Variants in TAS1R2 observed in about 807,000 individuals in gnomAD.
TAS1R2 encodes taste receptor type 1 member 2.
A neutral mutation model predicts 49.3 loss-of-function variants in TAS1R2; 47 were observed. The observed-to-expected ratio is 0.95, with a 90% CI of 0.75 to 1.22. The LOEUF is 1.22. TAS1R2 is among the 50% of genes most tolerant of loss of function. The pLI is 0.00. For missense variants in TAS1R2, 1,155 were observed against 1,122.1 expected, an observed-to-expected ratio of 1.03 and a Z score of -0.42; for synonymous variants, 479 against 467.9, an observed-to-expected ratio of 1.02 and a Z score of -0.31.
At chr1:18,839,935 C>T in exon 6 of TAS1R2, 1 of 1,614,216 alleles carries the variant, frequency 6.2e-7, no homozygotes, top group Non-Finnish European at 8.5e-7. Context: ...TGTTGAACAG[C>T]AGGCTGTTGC....
Position 18,840,491 on chromosome 1 carries a change from C to T in TAS1R2, c.1628G>A (p.Trp543Ter). 1 of 1,614,180 alleles carries T rather than the reference C, an allele frequency of 6.2e-7. No homozygotes were observed. Among genetic ancestry groups the T allele is most frequent in the East Asian group, 2.2e-5 (1 of 44,878 alleles). ...GCAGGAGGTCTCACTCTGGTAGGAC[C>T]ACTCGTTATTCGGGCAGGCCTGGCA... Residue 543 changes from tryptophan to a stop codon, truncating the protein, a stop_gained, in exon 6 of 6, where the codon TGG becomes TAG. Coordinates refer to ENST00000375371, the Ensembl canonical transcript of TAS1R2. LOFTEE classifies it low-confidence loss of function (END_TRUNC).
chr1:18,857,081 AT>A (rs1934149373), intron 2 of TAS1R2, among the ~76,000 whole-genome samples: 1 of 152,218 alleles, frequency 6.6e-6, no homozygotes, highest in Admixed American at 6.5e-5. Flanking sequence ...GAGTCAAGAG[AT>A]TTGCCAAAGG....
intron 5 of TAS1R2, 41 bp downstream of exon 5, chr1:18,841,687 AG>A (rs139650135): frequency 0.016 from 25,082 of 1,592,564 alleles, 1,023 homozygotes; most frequent in African/African-American, 0.15. Context: ...GGGCAGGGGC[AG>A]GGCAGGGGCA....
chr1:18,850,286 C>T (rs1323896976), intron 3 of TAS1R2, among the ~76,000 whole-genome samples: 1 of 152,240 alleles, frequency 6.6e-6, no homozygotes, highest in East Asian at 1.9e-4. Flanking sequence ...AAAGGACTTC[C>T]AGCTCAAATA....
chr1:18,840,113 T>C (rs752400471), exon 6 of TAS1R2: 21 of 1,614,084 alleles, frequency 1.3e-5, no homozygotes, highest in Non-Finnish European at 1.5e-5. Flanking sequence ...CCAGTAGCTG[T>C]AGGCGCGTGG....
intron 3 of TAS1R2, among the ~76,000 whole-genome samples, chr1:18,853,845 G>C (rs1344576133): frequency 6.6e-6 from 1 of 152,142 alleles, no homozygotes. Context: ...CTGAACCAGG[G>C]TGATAGAGAA....
intron 2 of TAS1R2, 56 bp downstream of exon 2, chr1:18,857,262 CTGAGGCCTCTAGA>C: frequency 6.6e-7 from 1 of 1,514,762 alleles, no homozygotes; most frequent in Non-Finnish European, 8.9e-7. Context: ...GAAGTGGCTT[CTGAGGCCTCTAGA>C]CAGCCATTCC....
chr1:18,850,863 T>G (rs754808285), intron 3 of TAS1R2, among the ~76,000 whole-genome samples: 2 of 152,100 alleles, frequency 1.3e-5, no homozygotes, highest in Non-Finnish European at 2.9e-5. Flanking sequence ...CAAGTCCACC[T>G]CTCCAACCCC....
intron 3 of TAS1R2, among the ~76,000 whole-genome samples, chr1:18,850,208 T>C (rs1302767968): frequency 6.6e-6 from 1 of 152,214 alleles, no homozygotes; most frequent in Non-Finnish European, 1.5e-5. Context: ...TAAAGTCCAG[T>C]CCCAGTTCTG....
chr1:18,857,649 T>A lies in TAS1R2; in HGVS notation c.183-18A>T. The A allele has an allele frequency of 6.2e-7, 1 of 1,604,536 alleles. No individual in the cohort carries two copies. The highest frequency in any genetic ancestry group is 1.1e-5 in the South Asian group (1 of 90,792). On this transcript the variant is annotated intron_variant, in intron 1 of 5. Transcript: ENST00000375371. ...CTTCATACCTGGAGGGGCCACAGCATCATGAGGTGGAAGCAGATCCAGAAT... is the reference window on the plus strand; with the variant it reads ...CTTCATACCTGGAGGGGCCACAGCAACATGAGGTGGAAGCAGATCCAGAAT...
chr1:18,847,904 C>T (rs1429626364), intron 4 of TAS1R2, among the ~76,000 whole-genome samples: 2 of 152,234 alleles, frequency 1.3e-5, no homozygotes, highest in Non-Finnish European at 2.9e-5. Context: ...AGAAGCAAGT[C>T]ACGTCTTAAA....
chr1:18,847,520 G>T (rs936127612), intron 4 of TAS1R2, among the ~76,000 whole-genome samples: 3 of 149,430 alleles, frequency 2.0e-5, no homozygotes, highest in Non-Finnish European at 4.4e-5. Flanking sequence ...TGCTGTCGGG[G>T]ACTGGGGGGA....
chr1:18,854,030 C>T lies in TAS1R2; in HGVS notation c.1257+183G>A, dbSNP rs1346191002. 6.6e-6 allele frequency among the ~76,000 whole-genome samples: 1 copy of T among 152,188 alleles called. No individual in the cohort carries two copies. Among genetic ancestry groups the T allele is most frequent in the African/African-American group, 2.4e-5 (1 of 41,448 alleles). On this transcript the variant is annotated intron_variant, in intron 3 of 5. Transcript: ENST00000375371. This position sits in a 1 kb window ranked among gnomAD's most constrained non-coding sequence, Gnocchi z 4.9. The stretch of plus-strand genomic sequence containing the variant: ...TCCACCTGAATCTCCCAAGAACAGA[C>T]TACTATCTTGAATGGTGAGTGTTCA...
chr1:18,855,011 G>C, intron 2 of TAS1R2, 25 bp from the exon 3 acceptor site: 1 of 1,589,710 alleles, frequency 6.3e-7, no homozygotes, highest in Non-Finnish European at 8.6e-7. Context: ...GCTGTGGCAT[G>C]AGCGAGTGCC....
intron 4 of TAS1R2, among the ~76,000 whole-genome samples, chr1:18,843,551 T>G (rs1933864983): frequency 6.6e-6 from 1 of 152,234 alleles, no homozygotes; most frequent in Non-Finnish European, 1.5e-5. Flanking sequence ...GCTTTCAGTT[T>G]CAAGGCAGAG....
intron 4 of TAS1R2, among the ~76,000 whole-genome samples, chr1:18,847,728 G>A (rs957811593): frequency 1.3e-5 from 2 of 152,208 alleles, no homozygotes; most frequent in African/African-American, 2.4e-5. Context: ...TGAAGGCATA[G>A]CTACCAAACT....
Position 18,854,347 on chromosome 1 carries a change from T to C in TAS1R2, c.1123A>G (p.Thr375Ala), listed in dbSNP as rs746375249. 1.2e-6 allele frequency: 2 copies of C among 1,613,800 alleles called. No homozygotes were observed. Among genetic ancestry groups the C allele is most frequent in the South Asian group, 2.2e-5 (2 of 91,006 alleles). Residue 375 changes from threonine to alanine, a missense_variant, in exon 3 of 6, where the codon ACC becomes GCC. Thr to Ala is a moderately conservative substitution (Grantham distance 58). Transcript: ENST00000375371. The surrounding 1 kb of genome is among the most constrained non-coding windows in gnomAD (Gnocchi z 4.9). ...CGCTCCCCAGAGAGCCTGAGAATGG[T>C]GTTGAAGGACAAGGTGGCGTTCAGG...
exon 6 of TAS1R2, chr1:18,839,632 G>T: frequency 1.9e-6 from 3 of 1,614,162 alleles, no homozygotes; most frequent in Non-Finnish European, 1.7e-6. Context: ...CCTGGATCAT[G>T]CTGTTGAAGT....
chr1:18,853,935 C>T (rs1231332098), intron 3 of TAS1R2, among the ~76,000 whole-genome samples: 1 of 152,214 alleles, frequency 6.6e-6, no homozygotes, highest in Non-Finnish European at 1.5e-5. Context: ...CCCAGGCTCT[C>T]AACCTTGGAG....
Sources: allele counts gnomAD v4.1 joint callset (sites outside exome capture counted in the v4.1 genomes callset), GRCh38; gene constraint gnomAD v4.1.1; non-coding constraint Gnocchi (gnomAD v3.1); transcripts MANE v1.5; gene names NCBI Gene and HGNC (gene_info 2026-07-23, HGNC 2026-07-21).